GSE1: variants seen among roughly 807,000 people sequenced by gnomAD.
GSE1 encodes the protein genetic suppressor element 1.
In GSE1, 32 loss-of-function variants were observed where a neutral mutation model predicts 112.6. The ratio of observed to expected loss-of-function variants is 0.28; its 90% CI spans 0.21 to 0.38. GSE1 has a LOEUF of 0.38. Among genes scored for constraint, GSE1 ranks in the 10% least tolerant of loss-of-function variants. The pLI is 1.00. For missense variants in GSE1, 2,348 were observed against 1,699.2 expected (o/e 1.38, Z -6.71); for synonymous variants, 1,115 against 735.6 (o/e 1.52, Z -8.35).
intron 2 of GSE1, among the ~76,000 whole-genome samples, chr16:85,647,469 C>A (rs972046519): frequency 1.3e-5 from 2 of 152,172 alleles, no homozygotes; most frequent in African/African-American, 4.8e-5. Flanking sequence ...ATAAATGGAT[C>A]TTTTAAAGAA....
chr16:85,625,873 G>A (rs763529547), intron 1 of GSE1, among the ~76,000 whole-genome samples: 2 of 152,198 alleles, frequency 1.3e-5, no homozygotes, highest in African/African-American at 2.4e-5. Context: ...CTCAGTGAGC[G>A]TGGCAGAGGA....
intron 2 of GSE1, among the ~76,000 whole-genome samples, chr16:85,429,227 C>T (rs761870822): frequency 1.3e-5 from 2 of 152,200 alleles, no homozygotes; most frequent in South Asian, 2.1e-4. Flanking sequence ...GACCTGTGTC[C>T]GGAGCACCCC....
intron 1 of GSE1, chr16:85,285,336 C>CA (rs2044988056): frequency 6.6e-6 from 1 of 152,218 alleles, no homozygotes; most frequent in Admixed American, 6.5e-5. Flanking sequence ...CTTCACTACT[C>CA]AAAGTGGGGT....
chr16:85,296,441 C>G (rs927039589), intron 1 of GSE1, among the ~76,000 whole-genome samples: 28 of 152,014 alleles, frequency 1.8e-4, no homozygotes, highest in Admixed American at 1.3e-4. Flanking sequence ...CCCGACTCTG[C>G]TAAAATACAA....
chr16:85,620,551 C>T (rs998658650), intron 1 of GSE1, among the ~76,000 whole-genome samples: 1 of 152,226 alleles, frequency 6.6e-6, no homozygotes, highest in African/African-American at 2.4e-5. Context: ...GAGAGACTTC[C>T]GCCTCCCAGA....
chr16:85,243,322 A>G (rs1193892415), intron 1 of GSE1, among the ~76,000 whole-genome samples: 1 of 152,250 alleles, frequency 6.6e-6, no homozygotes, highest in Non-Finnish European at 1.5e-5. Flanking sequence ...TCTGGGGGCT[A>G]CAGGGGAGAA....
chr16:85,619,269 C>T (rs534221551), intron 1 of GSE1, among the ~76,000 whole-genome samples: 3 of 152,308 alleles, frequency 2.0e-5, no homozygotes, highest in Non-Finnish European at 4.4e-5. Context: ...GCCCTTCCTG[C>T]GCTCGGATGG....
chr16:85,538,864 T>C (rs1463435280), intron 2 of GSE1, among the ~76,000 whole-genome samples: 1 of 152,070 alleles, frequency 6.6e-6, no homozygotes, highest in African/African-American at 2.4e-5. Flanking sequence ...CTCCTCCCCA[T>C]CTCCCACCAG....
At chr16:85,340,309 C>T (rs1312900677) in intron 1 of GSE1, among the ~76,000 whole-genome samples, 1 of 152,070 alleles carries the variant, frequency 6.6e-6, no homozygotes, top group African/African-American at 2.4e-5. Flanking sequence ...GTGATTGCAC[C>T]ACTGCACTCC....
At chr16:85,497,623 G>A (rs537633067) in intron 2 of GSE1, among the ~76,000 whole-genome samples, 59 of 152,238 alleles carry the variant, frequency 3.9e-4, no homozygotes, top group Non-Finnish European at 8.1e-4. Context: ...TGTCTGTGCA[G>A]CAGTATGGTG....
intron 1 of GSE1, among the ~76,000 whole-genome samples, chr16:85,278,004 T>C (rs1247099670): frequency 1.3e-5 from 2 of 152,246 alleles, no homozygotes; most frequent in African/African-American, 2.4e-5. Flanking sequence ...CACGACTCCA[T>C]TGAGAGCAGT....
chr16:85,636,117 G>A (rs1024327251), intron 2 of GSE1, among the ~76,000 whole-genome samples: 1 of 152,238 alleles, frequency 6.6e-6, no homozygotes, highest in Admixed American at 6.5e-5. Context: ...TCGTGGCCCT[G>A]CTCCCTCCCA....
chr16:85,466,091 G>A (rs1220445225), intron 2 of GSE1, among the ~76,000 whole-genome samples: 1 of 152,214 alleles, frequency 6.6e-6, no homozygotes, highest in African/African-American at 2.4e-5. Flanking sequence ...ACATCTCAGT[G>A]ACAGCAGCCG....
rs139026822 is a variant in GSE1 at position 85,475,015 on chromosome 16, C to T, written c.2464+117372C>T. 8.5e-5 allele frequency among the ~76,000 whole-genome samples: 13 copies of T among 152,240 alleles called. No homozygotes were observed. The East Asian group carries it at 9.7e-4, about 11-fold the overall frequency. ...AGTTTATCTCCTGATGCAGTCAGGG[C>T]GACCCCATGTCCTCTGTGCTACCAC... On this transcript the variant is annotated intron_variant, in intron 2 of 2. Transcript: ENST00000637419.
chr16:85,390,551 G>T (rs569293224), intron 2 of GSE1, among the ~76,000 whole-genome samples: 9 of 152,164 alleles, frequency 5.9e-5, no homozygotes, highest in Admixed American at 5.9e-4. Flanking sequence ...AACAATAAAG[G>T]TGTCGGGCTT....
At chr16:85,349,312 T>C (rs1224068392) in intron 1 of GSE1, among the ~76,000 whole-genome samples, 1 of 152,170 alleles carries the variant, frequency 6.6e-6, no homozygotes, top group East Asian at 1.9e-4. Context: ...GGGCGTAAAA[T>C]ACTGTTTTTG....
intron 2 of GSE1, among the ~76,000 whole-genome samples, chr16:85,638,612 A>G (rs865966740): frequency 1.3e-4 from 20 of 152,042 alleles, no homozygotes; most frequent in African/African-American, 4.1e-4. Context: ...GAATGGTGGC[A>G]TGAGTGTCAA....
chr16:85,231,420 A>G (rs1039000214), intron 1 of GSE1, among the ~76,000 whole-genome samples: 3 of 150,986 alleles, frequency 2.0e-5, no homozygotes, highest in Non-Finnish European at 4.4e-5. Context: ...GGATGGATGG[A>G]TGGATGGATG....
intron 2 of GSE1, among the ~76,000 whole-genome samples, chr16:85,499,359 G>A (rs978922220): frequency 1.2e-4 from 16 of 135,932 alleles, no homozygotes; most frequent in African/African-American, 3.9e-4. Context: ...CGCCTAGGCC[G>A]GAGTGCAGTG....
Sources: gnomAD v4.1 joint callset for allele counts (sites outside exome capture counted in the v4.1 genomes callset) on GRCh38, gnomAD v4.1.1 for gene constraint, MANE v1.5 for transcripts, NCBI Gene and HGNC (gene_info 2026-07-23, HGNC 2026-07-21) for gene names.